Variants in NCOR1 observed in about 807,000 individuals in gnomAD.
NCOR1 encodes the protein protein phosphatase 1, regulatory subunit 109.
Under a neutral mutation model 288.1 loss-of-function variants are expected in NCOR1, and 63 were observed. The observed-to-expected ratio is 0.22, with a 90% CI of 0.18 to 0.27. NCOR1 has a LOEUF of 0.27. NCOR1 is among the 10% of genes least tolerant of loss of function. The pLI is 1.00. For missense variants in NCOR1, 2,397 were observed against 3,019.2 expected (o/e 0.79, Z 4.83); for synonymous variants, 1,007 against 1,065.9 (o/e 0.94, Z 1.08).
chr17:16,165,848 T>C (rs1048146239), intron 4 of NCOR1, among the ~76,000 whole-genome samples: 2 of 152,174 alleles, frequency 1.3e-5, no homozygotes, highest in East Asian at 1.9e-4. Context: ...ACACACACCC[T>C]ATTAATTTCC....
In NCOR1 at chr17:16,070,421, C is replaced by T. The variant is rs143182424; in HGVS notation, c.4257G>A (p.Pro1419=). The T allele has an allele frequency of 2.1e-5, 34 of 1,614,052 alleles. No homozygotes were observed. The highest frequency in any genetic ancestry group is 6.7e-5 in the East Asian group (3 of 44,894). The change falls in exon 31 of 46, where the codon CCG becomes CCA. Residue 1419 remains proline (P), a synonymous_variant. Coordinates refer to ENST00000268712, the MANE Select transcript of NCOR1 (RefSeq NM_006311.4). ...TTATGTTCTCTGGCACAATTTCCAG[C>T]GGAGGCATTCCACGGGATAGTTTGC... ...GPSKLSRGMP[P]LEIVPENIKV...
At chr17:16,134,360 A>G (rs1043359315) in intron 14 of NCOR1, among the ~76,000 whole-genome samples, 1 of 152,228 alleles carries the variant, frequency 6.6e-6, no homozygotes, top group Non-Finnish European at 1.5e-5. Flanking sequence ...TCTTCAAAGC[A>G]ATAACTTAAA....
Position 16,080,500 on chromosome 17 carries a change from G to A in NCOR1, c.3308C>T (p.Pro1103Leu), listed in dbSNP as rs377255286. The A allele has an allele frequency of 2.5e-5, 41 of 1,613,970 alleles. No individual in the cohort carries two copies. The highest frequency in any genetic ancestry group is 3.5e-5 in the Non-Finnish European group (41 of 1,180,024). Residue 1103 changes from proline (P) to leucine (L), a missense_variant, in exon 25 of 46, where the codon CCC becomes CTC. Pro to Leu is a moderately conservative substitution (Grantham distance 98). This residue lies in a region of NCOR1 where 1,872 missense variants were observed against 2,187.8 expected (regional missense o/e 0.86). Transcript: ENST00000268712. ...QQESAKSATL[P>L]YIKQEEFSPR... ...AGAAAATTCTTCCTGCTTGATGTAG[G>A]GCAAAGTAGCTGTGGAAAGGCAGAG...
At chr17:16,126,616 T>C (rs895339800) in intron 14 of NCOR1, among the ~76,000 whole-genome samples, 6 of 152,204 alleles carry the variant, frequency 3.9e-5, no homozygotes, top group African/African-American at 1.2e-4. Flanking sequence ...CTATCTATAA[T>C]GCTATAAGAA....
At chr17:16,190,638 G>T (rs924740607) in intron 2 of NCOR1, among the ~76,000 whole-genome samples, 1 of 152,070 alleles carries the variant, frequency 6.6e-6, no homozygotes, top group Middle Eastern at 3.4e-3. Context: ...ACCACGCCCA[G>T]CCAACACTCC....
At chr17:16,069,197 CA>C (rs2061464241) in intron 31 of NCOR1, among the ~76,000 whole-genome samples, 1 of 152,104 alleles carries the variant, frequency 6.6e-6, no homozygotes, top group African/African-American at 2.4e-5. Flanking sequence ...TCTGCCTGCC[CA>C]AAGAAAGAAA....
Position 16,121,275 on chromosome 17 carries a change from C to T in NCOR1, c.1635-6G>A. On this transcript the variant is annotated splice_region_variant and splice_polypyrimidine_tract_variant and intron_variant, in intron 15 of 45. Coordinates refer to ENST00000268712, the MANE Select transcript of NCOR1 (RefSeq NM_006311.4). Reference sequence around the variant, plus strand: ...CCTTTTCCTTGGTATTTTCTCTGGACACAAAAGCAAATGAAAACTTGTGTG... The same window carrying T: ...CCTTTTCCTTGGTATTTTCTCTGGATACAAAAGCAAATGAAAACTTGTGTG... 6.2e-7 allele frequency: 1 copy of T among 1,609,316 alleles called. No homozygotes were observed. The highest frequency in any genetic ancestry group is 1.1e-5 in the South Asian group (1 of 90,376).
At chr17:16,084,402 T>C (rs1366549504) in intron 23 of NCOR1, 2 of 152,824 alleles carry the variant, frequency 1.3e-5, no homozygotes, top group African/African-American at 2.4e-5. Context: ...TTACCTGGAA[T>C]GTTTTGTATG....
At chr17:16,163,370 T>C (rs1342840574) in intron 5 of NCOR1, among the ~76,000 whole-genome samples, 1 of 152,098 alleles carries the variant, frequency 6.6e-6, no homozygotes, top group African/African-American at 2.4e-5. Flanking sequence ...TGAACATTTA[T>C]CTAAAAAGAT....
chr17:16,064,315 T>C, intron 34 of NCOR1, 128 bp from the exon 35 acceptor site: 1 of 1,266,582 alleles, frequency 7.9e-7, no homozygotes, highest in African/African-American at 1.5e-5. Flanking sequence ...AGAAGTTTGT[T>C]TTGGCTGGGT....
chr17:16,092,589 G>T (rs1341150096), intron 21 of NCOR1, among the ~76,000 whole-genome samples: 5 of 135,852 alleles, frequency 3.7e-5, no homozygotes, highest in African/African-American at 5.5e-5. Context: ...TGGCAGCCAA[G>T]TCCCTTGTGG....
chr17:16,058,509 G>A lies in NCOR1; in HGVS notation c.5972C>T (p.Thr1991Ile). The A allele has an allele frequency of 1.9e-6, 3 of 1,614,094 alleles. No homozygotes were observed. The highest frequency in any genetic ancestry group is 2.5e-6 in the Non-Finnish European group (3 of 1,179,972). Residue 1991 changes from threonine (T) to isoleucine (I), a missense_variant, in exon 38 of 46, where the codon ACC becomes ATC. Thr to Ile is a moderately conservative substitution (Grantham distance 89, BLOSUM62 -1). Coordinates refer to ENST00000268712, the MANE Select transcript of NCOR1 (RefSeq NM_006311.4). ...SPAPPQEKLQ[T>I]YQPEVVKANQ... is the part of the protein sequence containing the mutation. ...TGCCTTAACAACCTCTGGCTGATAG[G>A]TCTGCAGTTTCTCCTGGGGTGGCGC...
chr17:16,062,098 G>A lies in NCOR1; in HGVS notation c.5387+7C>T, dbSNP rs367864358. ...ATTTTTTGTCAAAATATGTACAAGA[G>A]ACTGACATGATTCGTAGCTGAGCAG... On this transcript the variant is annotated splice_region_variant and intron_variant, in intron 36 of 45. Transcript: ENST00000268712. 2.5e-5 allele frequency: 41 copies of A among 1,609,708 alleles called. No homozygotes were observed. The African/African-American group carries it at 5.0e-4, about 19-fold the overall frequency.
rs138511139 is a variant in NCOR1, at chr17:16,174,650, T to C, written c.243-2655A>G. Reference sequence around the variant, plus strand: ...AAGAACAAATCTACTCAGCCATAAATAAATATATAATTTAATGTATAAAAT... The same window carrying C: ...AAGAACAAATCTACTCAGCCATAAACAAATATATAATTTAATGTATAAAAT... On this transcript the variant is annotated intron_variant, in intron 3 of 45. Transcript: ENST00000268712. Among the ~76,000 whole-genome samples, 30 of 152,314 alleles carry C rather than the reference T, an allele frequency of 2.0e-4. 1 individual carries two copies. The highest frequency in any genetic ancestry group is 7.0e-4 in the African/African-American group (29 of 41,562).
At chr17:16,142,522 G>A (rs2077299438) in intron 11 of NCOR1, among the ~76,000 whole-genome samples, 1 of 151,872 alleles carries the variant, frequency 6.6e-6, no homozygotes, top group South Asian at 2.1e-4. Context: ...TTTGAACAGG[G>A]CTAAAAAGAT....
At chr17:16,058,671 T>C in intron 37 of NCOR1, 72 bp from the exon 38 acceptor site, 2 of 1,434,848 alleles carry the variant, frequency 1.4e-6, no homozygotes, top group Non-Finnish European at 1.9e-6. Context: ...TCTTCACACC[T>C]GTAGCATTTT....
chr17:16,090,566 A>T (rs1328533162), intron 22 of NCOR1, among the ~76,000 whole-genome samples: 1 of 152,180 alleles, frequency 6.6e-6, no homozygotes, highest in Non-Finnish European at 1.5e-5. Context: ...GCGATTAAGA[A>T]TTCCCTAGAC....
chr17:16,136,316 T>C (rs1368581554), intron 14 of NCOR1, among the ~76,000 whole-genome samples: 1 of 152,056 alleles, frequency 6.6e-6, no homozygotes, highest in Non-Finnish European at 1.5e-5. Flanking sequence ...CTCCCATGTA[T>C]CTAGGACTAC....
chr17:16,193,529 G>A (rs1048471391), intron 2 of NCOR1, among the ~76,000 whole-genome samples: 2 of 152,134 alleles, frequency 1.3e-5, no homozygotes. Flanking sequence ...CACCGCGCCC[G>A]GCCTGATTTT....
Sources: allele counts gnomAD v4.1 joint callset (sites outside exome capture counted in the v4.1 genomes callset), GRCh38; gene constraint gnomAD v4.1.1; regional missense constraint gnomAD v4.1.1; transcripts MANE v1.5; gene names NCBI Gene and HGNC (gene_info 2026-07-23, HGNC 2026-07-21).